Variants in RPP30 observed in about 807,000 individuals in gnomAD.
The protein encoded by RPP30 is ribonuclease P/MRP subunit p30, also known as ribonuclease P protein subunit p30.
A neutral mutation model predicts 38.6 loss-of-function variants in RPP30; 36 were observed. That is an observed-to-expected ratio of 0.93 (90% CI 0.71 to 1.23). The LOEUF (loss-of-function observed/expected upper bound fraction) is 1.23, where lower values mean the gene tolerates loss of function less well. Ranked by LOEUF, RPP30 falls within the 50% of genes most tolerant of loss-of-function variation. The pLI, the probability that RPP30 is intolerant of heterozygous loss-of-function variation, is 0.00. For missense variants in RPP30, 321 were observed against 321.7 expected (o/e 1.00, Z 0.02); for synonymous variants, 126 against 112.7 (o/e 1.12, Z -0.75).
In RPP30 at chr10:90,875,231, A is replaced by G. The variant is rs541501767; in HGVS notation, c.138+307A>G. Among the ~76,000 whole-genome samples, 4 of 144,494 alleles carry G rather than the reference A, an allele frequency of 2.8e-5. No homozygotes were observed. In the East Asian group the frequency reaches 8.3e-4, roughly 30 times the overall value. The allele number at this position is 144,494 out of a possible 152,430, so 94.8% of individuals were successfully genotyped here. A position where few individuals can be genotyped will look rare whatever the true frequency, so the allele number is the denominator to read the frequency against. On this transcript the variant is annotated intron_variant, in intron 2 of 10. Coordinates refer to ENST00000371703, the MANE Select transcript of RPP30 (RefSeq NM_006413.5). The stretch of plus-strand genomic sequence containing the variant: ...CAAAATATTTAGTCCTTTTTATTCT[A>G]TTGTCATGGGCTTATTAACTACTTT...
intron 6 of RPP30, among the ~76,000 whole-genome samples, chr10:90,887,143 T>G (rs1466253816): frequency 1.3e-5 from 2 of 151,662 alleles, no homozygotes; most frequent in Non-Finnish European, 2.9e-5. Flanking sequence ...AATTTTTTTA[T>G]GTTTTGTAAA....
chr10:90,895,430 T>C, intron 7 of RPP30, 24 bp from the exon 8 acceptor site: 2 of 1,270,548 alleles, frequency 1.6e-6, no homozygotes, highest in Non-Finnish European at 2.2e-6. Context: ...CTAAGATTAA[T>C]ATTAGTCACT....
intron 10 of RPP30, among the ~76,000 whole-genome samples, chr10:90,897,418 C>A (rs1847152890): frequency 6.6e-6 from 1 of 152,116 alleles, no homozygotes; most frequent in South Asian, 2.1e-4. Flanking sequence ...TATTGGCTTG[C>A]CGTAAATTAG....
intron 6 of RPP30, among the ~76,000 whole-genome samples, chr10:90,889,373 G>C (rs1847044939): frequency 7.3e-6 from 1 of 136,814 alleles, no homozygotes; most frequent in South Asian, 2.4e-4. Flanking sequence ...GCAGTGGTGT[G>C]ATCTCGGCTC....
chr10:90,876,393 G>A (rs1293982230), intron 4 of RPP30, among the ~76,000 whole-genome samples: 1 of 152,160 alleles, frequency 6.6e-6, no homozygotes, highest in Non-Finnish European at 1.5e-5. Context: ...ATGAATAATA[G>A]CACAATCCTT....
chr10:90,891,100 T>C (rs1047147386), intron 6 of RPP30, among the ~76,000 whole-genome samples: 3 of 152,220 alleles, frequency 2.0e-5, no homozygotes, highest in Non-Finnish European at 4.4e-5. Flanking sequence ...TACAAATACG[T>C]TTACTGATTT....
downstream of RPP30, among the ~76,000 whole-genome samples, chr10:90,907,806 A>G (rs1199686728): frequency 1.3e-5 from 2 of 152,174 alleles, no homozygotes; most frequent in Admixed American, 6.5e-5. Flanking sequence ...GACACTCTGT[A>G]TTGTTTCCTT....
downstream of RPP30, among the ~76,000 whole-genome samples, chr10:90,905,119 T>A (rs1847239514): frequency 6.6e-6 from 1 of 152,162 alleles, no homozygotes; most frequent in South Asian, 2.1e-4. Flanking sequence ...AGTAGGAAAG[T>A]ACATTTACAA....
chr10:90,888,351 G>A (rs938361910), intron 6 of RPP30, among the ~76,000 whole-genome samples: 3 of 152,210 alleles, frequency 2.0e-5, no homozygotes, highest in African/African-American at 7.2e-5. Context: ...CATGTCTCAC[G>A]ACAGTGGTAA....
intron 2 of RPP30, among the ~76,000 whole-genome samples, chr10:90,875,206 C>A (rs1346661959): frequency 6.6e-6 from 1 of 151,748 alleles, no homozygotes; most frequent in Non-Finnish European, 1.5e-5. Context: ...GGACTGTAAT[C>A]AAAATATTTA....
rs1847203438 is a variant in RPP30 at position 90,901,557 on chromosome 10, T to C, written c.*878T>C. Reference sequence around the variant, plus strand: ...TTGAAATAGGATTCCTTACTTTTAGTTAGAAACCCCTAAAACGCTAATATT... The same window carrying C: ...TTGAAATAGGATTCCTTACTTTTAGCTAGAAACCCCTAAAACGCTAATATT... On this transcript the variant is annotated 3_prime_UTR_variant, in exon 11 of 11. Coordinates refer to ENST00000371703, the MANE Select transcript of RPP30 (RefSeq NM_006413.5). 1.0e-6 allele frequency: 1 copy of C among 985,316 alleles called. No homozygotes were observed. The highest frequency in any genetic ancestry group is 1.2e-6 in the Non-Finnish European group (1 of 829,862). The allele number at this position is 985,316 out of a possible 1,614,324, so 61.0% of individuals were successfully genotyped here.
At chr10:90,876,867 T>C (rs1380489415) in intron 4 of RPP30, among the ~76,000 whole-genome samples, 2 of 151,984 alleles carry the variant, frequency 1.3e-5, no homozygotes, top group Non-Finnish European at 2.9e-5. Flanking sequence ...GGAGAATTGA[T>C]GGGATTTATT....
At chr10:90,893,003 A>T (rs1188327910) in intron 6 of RPP30, among the ~76,000 whole-genome samples, 1 of 152,256 alleles carries the variant, frequency 6.6e-6, no homozygotes, top group African/African-American at 2.4e-5. Context: ...TAGGACAGAA[A>T]TACTATCTTA....
At chr10:90,891,511 G>A (rs899560017) in intron 6 of RPP30, among the ~76,000 whole-genome samples, 3 of 152,130 alleles carry the variant, frequency 2.0e-5, no homozygotes, top group Non-Finnish European at 2.9e-5. Flanking sequence ...GGATGAGGAC[G>A]CAATTCAACC....
At chr10:90,886,151 C>A (rs1846997614) in intron 6 of RPP30, among the ~76,000 whole-genome samples, 2 of 151,968 alleles carry the variant, frequency 1.3e-5, no homozygotes, top group Non-Finnish European at 2.9e-5. Context: ...AAGGATATTT[C>A]TTAAGAGGAT....
intron 5 of RPP30, among the ~76,000 whole-genome samples, chr10:90,884,196 G>T (rs1046751917): frequency 1.3e-5 from 2 of 152,138 alleles, no homozygotes; most frequent in African/African-American, 2.4e-5. Context: ...CCTTTGTAGG[G>T]TATATAGCTA....
rs185359415 is a variant in RPP30 at position 90,878,995 on chromosome 10, A to G, written c.271-68A>G. 48 of 1,289,202 alleles carry G rather than the reference A, an allele frequency of 3.7e-5. 1 individual carries two copies. Among genetic ancestry groups the G allele is most frequent in the South Asian group, 1.7e-4 (14 of 82,762 alleles). The allele number at this position is 1,289,202 out of a possible 1,614,324, so 79.9% of individuals were successfully genotyped here. A position where few individuals can be genotyped will look rare whatever the true frequency, so the allele number is the denominator to read the frequency against. Reference sequence around the variant, plus strand: ...ATGATTGAAATATAAGTGTGAGTCAATCACTAGACAGAATTTCATGTGTAT... The same window carrying G: ...ATGATTGAAATATAAGTGTGAGTCAGTCACTAGACAGAATTTCATGTGTAT... On this transcript the variant is annotated intron_variant, in intron 4 of 10. Transcript: ENST00000371703.
At chr10:90,903,597 TC>T (rs1564570887), downstream of RPP30, among the ~76,000 whole-genome samples, 1 of 152,242 alleles carries the variant, frequency 6.6e-6, no homozygotes. Context: ...ATGCCATTGT[TC>T]ATGATAGTAG....
At chr10:90,903,881 A>G (rs1451186119), downstream of RPP30, among the ~76,000 whole-genome samples, 2 of 152,228 alleles carry the variant, frequency 1.3e-5, no homozygotes, top group East Asian at 1.9e-4. Context: ...AATGAAAGTA[A>G]TAAGAGAATA....
Sources: gnomAD v4.1 joint callset for allele counts (sites outside exome capture counted in the v4.1 genomes callset) on GRCh38, gnomAD v4.1.1 for gene constraint, MANE v1.5 for transcripts, NCBI Gene and HGNC (gene_info 2026-07-23, HGNC 2026-07-21) for gene names.